Variants in KAZN observed in about 807,000 individuals in gnomAD.
KAZN encodes kazrin.
Under a neutral mutation model 87.4 loss-of-function variants are expected in KAZN, and 40 were observed. The ratio of observed to expected loss-of-function variants is 0.46; its 90% CI spans 0.36 to 0.60. The LOEUF is 0.60. Among genes scored for constraint, KAZN ranks in the 20% least tolerant of loss-of-function variants. The probability of loss-of-function intolerance (pLI) is 0.00; values close to 1 mark genes in which losing one functional copy is unlikely to be tolerated. For synonymous variants in KAZN, 466 were observed against 458.3 expected, an observed-to-expected ratio of 1.02 and a Z score of -0.22; for missense variants, 898 against 1,073.9, an observed-to-expected ratio of 0.84 and a Z score of 2.29.
intron 2 of KAZN, among the ~76,000 whole-genome samples, chr1:14,471,137 C>A (rs962703229): frequency 1.4e-4 from 22 of 152,280 alleles, no homozygotes; most frequent in African/African-American, 5.1e-4. Context: ...AAGACATTCC[C>A]AAATTCTTGA....
At chr1:15,083,573 C>CA (rs1383160675) in intron 8 of KAZN, among the ~76,000 whole-genome samples, 1 of 152,182 alleles carries the variant, frequency 6.6e-6, no homozygotes, top group African/African-American at 2.4e-5. Context: ...GATGGACAGA[C>CA]ACGCAGAGCC....
At chr1:14,331,050 C>T (rs963232565) in intron 2 of KAZN, among the ~76,000 whole-genome samples, 1 of 152,142 alleles carries the variant, frequency 6.6e-6, no homozygotes, top group Non-Finnish European at 1.5e-5. Context: ...TTCCCAGACT[C>T]CCTTGCAGCT....
intron 2 of KAZN, among the ~76,000 whole-genome samples, chr1:14,541,674 G>A (rs941923956): frequency 1.3e-5 from 2 of 152,228 alleles, no homozygotes; most frequent in African/African-American, 2.4e-5. Context: ...GCAAAGCTTC[G>A]TTGCTATCTG....
intron 1 of KAZN, among the ~76,000 whole-genome samples, chr1:14,062,249 G>A (rs982389611): frequency 7.2e-5 from 11 of 152,102 alleles, no homozygotes; most frequent in African/African-American, 2.7e-4. Flanking sequence ...CAAAAACGAC[G>A]GGACAGAGTC....
At chr1:14,810,270 A>G (rs1050642507) in intron 1 of KAZN, among the ~76,000 whole-genome samples, 1 of 151,766 alleles carries the variant, frequency 6.6e-6, no homozygotes, top group African/African-American at 2.4e-5. Context: ...GGAGCACCGC[A>G]CCCCCATCAC....
intron 2 of KAZN, among the ~76,000 whole-genome samples, chr1:14,574,234 G>A (rs551988962): frequency 6.6e-6 from 1 of 152,260 alleles, no homozygotes; most frequent in South Asian, 2.1e-4. Flanking sequence ...ACTTCATGAC[G>A]TCTCCCTGCA....
intron 1 of KAZN, among the ~76,000 whole-genome samples, chr1:14,850,368 T>G (rs1649297286): frequency 6.6e-6 from 1 of 152,196 alleles, no homozygotes; most frequent in South Asian, 2.1e-4. Flanking sequence ...ACCAACCACA[T>G]GTGAGGTTGG....
intron 2 of KAZN, among the ~76,000 whole-genome samples, chr1:14,394,234 T>C (rs1350892232): frequency 1.3e-5 from 2 of 152,260 alleles, no homozygotes; most frequent in Non-Finnish European, 2.9e-5. Context: ...CTAGGGCCAT[T>C]AAGATGGCAT....
At chr1:14,885,868 G>A (rs74059654) in intron 1 of KAZN, among the ~76,000 whole-genome samples, 2,946 of 152,102 alleles carry the variant, frequency 0.019, 91 homozygotes, top group African/African-American at 0.066. Context: ...TAAATCTATC[G>A]ATACAGATGA....
intron 2 of KAZN, among the ~76,000 whole-genome samples, chr1:14,408,439 T>C (rs1664044150): frequency 6.6e-6 from 1 of 152,206 alleles, no homozygotes; most frequent in African/African-American, 2.4e-5. Context: ...CAGCTTGGGC[T>C]GCTATAACTA....
At chr1:14,905,715 G>T (rs188748807) in intron 1 of KAZN, among the ~76,000 whole-genome samples, 5 of 148,890 alleles carry the variant, frequency 3.4e-5, no homozygotes, top group African/African-American at 1.2e-4. Context: ...ATGGTGGCAC[G>T]TGCCTGTAAT....
chr1:13,896,475 A>T (rs1639049534), intron 1 of KAZN, among the ~76,000 whole-genome samples: 1 of 152,046 alleles, frequency 6.6e-6, no homozygotes, highest in African/African-American at 2.4e-5. Flanking sequence ...TTTTTTTTGT[A>T]GAGATGAAGT....
chr1:14,375,189 C>A (rs1195394783), intron 2 of KAZN, among the ~76,000 whole-genome samples: 1 of 152,172 alleles, frequency 6.6e-6, no homozygotes, highest in Non-Finnish European at 1.5e-5. Flanking sequence ...ATGAATTCAG[C>A]ACACTGTCTT....
At chr1:14,304,668 G>A (rs1654793349) in intron 2 of KAZN, 1 of 398,278 alleles carries the variant, frequency 2.5e-6, no homozygotes, top group Non-Finnish European at 4.4e-6. Context: ...AAACCGGTGA[G>A]CTTCAAATGC....
chr1:14,688,508 A>C (rs370984765), intron 1 of KAZN, among the ~76,000 whole-genome samples: 1 of 152,252 alleles, frequency 6.6e-6, no homozygotes, highest in African/African-American at 2.4e-5. Context: ...CTCTGCCCTC[A>C]AGCATCTTGT....
rs1362139101 is a variant in KAZN at position 13,979,673 on chromosome 1, A to G, written c.91+85917A>G. On this transcript the variant is annotated intron_variant, in intron 1 of 16. Coordinates refer to the KAZN transcript ENST00000636203. Reference sequence around the variant, plus strand: ...GCAGGGTGTGATGGCACACGCCTGTAATCCCAGTACTTTGGGAGGCCGAGG... The same window carrying G: ...GCAGGGTGTGATGGCACACGCCTGTGATCCCAGTACTTTGGGAGGCCGAGG... 5.3e-5 allele frequency among the ~76,000 whole-genome samples: 8 copies of G among 152,224 alleles called. No homozygotes were observed. In the East Asian group the frequency reaches 1.5e-3, roughly 29 times the overall value.
At chr1:14,786,487 A>G (rs913926103) in intron 1 of KAZN, among the ~76,000 whole-genome samples, 5 of 152,178 alleles carry the variant, frequency 3.3e-5, no homozygotes, top group African/African-American at 1.2e-4. Flanking sequence ...GAAACCTCAC[A>G]CTGGGCCTAA....
At position 14,123,021 on chromosome 1, in the gene KAZN, T is replaced by A. The variant is rs188560556; in HGVS notation, c.92-57414T>A. On this transcript the variant is annotated intron_variant, in intron 1 of 16. Transcript: ENST00000636203. ...GGAATGGGTAGTTGGCAGAGATAAT[T>A]TTAAAATCCAGAAAAGATGTAAAAA... 6.1e-3 allele frequency among the ~76,000 whole-genome samples: 933 copies of A among 152,278 alleles called. 10 individuals carry two copies. Among genetic ancestry groups the A allele is most frequent in the African/African-American group, 0.02 (839 of 41,554 alleles).
chr1:13,992,309 C>A (rs564201371), intron 1 of KAZN, among the ~76,000 whole-genome samples: 1 of 151,820 alleles, frequency 6.6e-6, no homozygotes, highest in Non-Finnish European at 1.5e-5. Context: ...TTTTCTTGCT[C>A]ACCAAAATTA....
Sources: gnomAD v4.1 joint callset for allele counts (sites outside exome capture counted in the v4.1 genomes callset) on GRCh38, gnomAD v4.1.1 for gene constraint, MANE v1.5 for transcripts, NCBI Gene and HGNC (gene_info 2026-07-23, HGNC 2026-07-21) for gene names.